NBEA: variants seen among roughly 807,000 people sequenced by gnomAD.
NBEA encodes neurobeachin.
A neutral mutation model predicts 343.4 loss-of-function variants in NBEA; 44 were observed. The observed-to-expected ratio is 0.13, with a 90% confidence interval of 0.10 to 0.16. NBEA has a LOEUF of 0.16. Ranked by LOEUF, NBEA falls within the 10% of genes least tolerant of loss-of-function variation. The pLI is 1.00. For synonymous variants in NBEA, 1,175 were observed against 1,238.7 expected (o/e 0.95, Z 1.08); for missense variants, 2,555 against 3,631.3 (o/e 0.70, Z 7.62).
At chr13:35,590,690 A>T (rs1380103482) in intron 46 of NBEA, among the ~76,000 whole-genome samples, 1 of 152,050 alleles carries the variant, frequency 6.6e-6, no homozygotes, top group East Asian at 1.9e-4. Flanking sequence ...AGGTTAAAAA[A>T]CCTAGAGACA....
chr13:35,321,482 G>A (rs115922592), intron 36 of NBEA, among the ~76,000 whole-genome samples: 3,749 of 152,118 alleles, frequency 0.025, 156 homozygotes, highest in African/African-American at 0.086. Context: ...TCCCAGAGTG[G>A]CACCTGCCAT....
intron 47 of NBEA, among the ~76,000 whole-genome samples, chr13:35,598,589 T>C (rs2081911619): frequency 6.6e-6 from 1 of 152,198 alleles, no homozygotes; most frequent in East Asian, 1.9e-4. Flanking sequence ...TGTATCAAAT[T>C]AGAAAAAGCT....
intron 41 of NBEA, among the ~76,000 whole-genome samples, chr13:35,521,364 A>T (rs2077705363): frequency 6.6e-6 from 1 of 152,186 alleles, no homozygotes; most frequent in Non-Finnish European, 1.5e-5. Context: ...CATTATTATT[A>T]CAAGTATGAA....
chr13:35,040,595 T>C (rs2152557628), intron 1 of NBEA, among the ~76,000 whole-genome samples: 1 of 152,260 alleles, frequency 6.6e-6, no homozygotes, highest in Non-Finnish European at 1.5e-5. Context: ...GTAAATTCTG[T>C]ATTTTCTGTT....
intron 1 of NBEA, among the ~76,000 whole-genome samples, chr13:34,959,699 A>G (rs146153048): frequency 7.4e-4 from 113 of 152,224 alleles, no homozygotes; most frequent in Non-Finnish European, 1.2e-3. Context: ...GATGCTGCAT[A>G]ATGACATTTT....
chr13:35,279,319 A>G lies in NBEA; in HGVS notation c.5777-11070A>G, dbSNP rs1030643607. On this transcript the variant is annotated intron_variant, in intron 34 of 58. Coordinates refer to ENST00000379939, the MANE Select transcript of NBEA (RefSeq NM_001385012.1). ...TTAATCTTTACTAGCAAGGAAATTT[A>G]GTGTCAAGAATGTGATGTGTCTTAG... Among the ~76,000 whole-genome samples, 3 of 152,122 alleles carry G rather than the reference A, an allele frequency of 2.0e-5. No homozygotes were observed. In the South Asian group the frequency reaches 6.2e-4, roughly 31 times the overall value.
chr13:34,980,525 T>C (rs2060322972), intron 1 of NBEA, among the ~76,000 whole-genome samples: 1 of 152,038 alleles, frequency 6.6e-6, no homozygotes, highest in Non-Finnish European at 1.5e-5. Flanking sequence ...GTTCCTCCAA[T>C]GTATGTTGAA....
At chr13:35,297,366 C>T (rs2036207082) in intron 35 of NBEA, among the ~76,000 whole-genome samples, 1 of 151,954 alleles carries the variant, frequency 6.6e-6, no homozygotes, top group African/African-American at 2.4e-5. Flanking sequence ...ATTGGATGCT[C>T]TTATATGTGA....
chr13:34,974,954 TC>T (rs1480419545), intron 1 of NBEA, among the ~76,000 whole-genome samples: 9 of 152,178 alleles, frequency 5.9e-5, no homozygotes, highest in African/African-American at 2.2e-4. Context: ...ACACTAGTTT[TC>T]ACAATTTTTA....
intron 34 of NBEA, among the ~76,000 whole-genome samples, chr13:35,253,891 A>G (rs2032270957): frequency 1.3e-5 from 2 of 152,154 alleles, no homozygotes; most frequent in Non-Finnish European, 2.9e-5. Context: ...TGTCATTGTC[A>G]TCTGATATCC....
chr13:35,370,842 G>A (rs1427038711), intron 38 of NBEA, among the ~76,000 whole-genome samples: 1 of 151,928 alleles, frequency 6.6e-6, no homozygotes, highest in Non-Finnish European at 1.5e-5. Flanking sequence ...TTGCTTGTCT[G>A]GGAAAGACTT....
chr13:35,594,981 A>ACG (rs1469844225), intron 47 of NBEA, among the ~76,000 whole-genome samples: 2 of 151,172 alleles, frequency 1.3e-5, no homozygotes, highest in Non-Finnish European at 2.9e-5. Context: ...ACACACACAC[A>ACG]CACACACACA....
rs200789345 is a variant in NBEA, at chr13:35,432,277, A to G, written c.6188A>G (p.His2063Arg). 469 of 1,599,814 alleles carry G rather than the reference A, an allele frequency of 2.9e-4. 1 individual carries two copies. The highest frequency in any genetic ancestry group is 1.3e-3 in the Middle Eastern group (8 of 6,034). ...AWGAVSHSQLHDFWRLDYWED... is the reference protein window; with the variant it reads ...AWGAVSHSQLRDFWRLDYWED... ...TTTCCCTCTACTCTTAGCCAATTGCATGATTTCTGGCGTTTGGATTACTGG... is the reference window on the plus strand; with the variant it reads ...TTTCCCTCTACTCTTAGCCAATTGCGTGATTTCTGGCGTTTGGATTACTGG... Residue 2063 changes from histidine (H) to arginine (R), a missense_variant, in exon 39 of 59, where the codon CAT (histidine) becomes CGT (arginine). Physicochemically the swap from His to Arg is conservative, Grantham distance 29 (BLOSUM62 0). Transcript: ENST00000379939.
At chr13:35,472,000 T>C (rs1409477406) in intron 40 of NBEA, among the ~76,000 whole-genome samples, 2 of 152,092 alleles carry the variant, frequency 1.3e-5, no homozygotes, top group Non-Finnish European at 2.9e-5. Context: ...TGGAACGGCT[T>C]CGCGCGATGG....
At chr13:35,378,109 A>T (rs1220681974) in intron 38 of NBEA, among the ~76,000 whole-genome samples, 1 of 152,200 alleles carries the variant, frequency 6.6e-6, no homozygotes, top group Non-Finnish European at 1.5e-5. Context: ...TTGGGGAGAA[A>T]CAGGAATACT....
chr13:35,056,880 AG>A (rs1470812302), intron 7 of NBEA, among the ~76,000 whole-genome samples: 3 of 152,110 alleles, frequency 2.0e-5, no homozygotes, highest in Non-Finnish European at 4.4e-5. Flanking sequence ...TGCAGTATTG[AG>A]AATATTTTGA....
chr13:35,411,509 T>C (rs1594532397), intron 38 of NBEA, among the ~76,000 whole-genome samples: 1 of 151,520 alleles, frequency 6.6e-6, no homozygotes. Context: ...CAGGCTGGAG[T>C]GCAGTGGTGC....
At chr13:35,119,342 G>A (rs1201082094) in intron 16 of NBEA, among the ~76,000 whole-genome samples, 1 of 152,042 alleles carries the variant, frequency 6.6e-6, no homozygotes, top group Non-Finnish European at 1.5e-5. Flanking sequence ...AAAAGAGTTT[G>A]GAAATAATAT....
chr13:35,073,357 A>G (rs892979835), intron 10 of NBEA, among the ~76,000 whole-genome samples: 30 of 152,316 alleles, frequency 2.0e-4, no homozygotes, highest in African/African-American at 6.3e-4. Flanking sequence ...AAAATTTAAT[A>G]TACTCCTTTT....
Sources: allele counts gnomAD v4.1 joint callset (sites outside exome capture counted in the v4.1 genomes callset), GRCh38; gene constraint gnomAD v4.1.1; transcripts MANE v1.5; gene names NCBI Gene and HGNC (gene_info 2026-07-23, HGNC 2026-07-21).